The following VPS13B variants were observed in gnomAD, a reference collection of about 807,000 sequenced individuals.
VPS13B encodes vacuolar protein sorting 13 homolog B.
In VPS13B, 285 loss-of-function variants were observed where a neutral mutation model predicts 426.4. The observed-to-expected ratio is 0.67, with a 90% CI of 0.61 to 0.74. VPS13B has a LOEUF of 0.74. Ranked by LOEUF, VPS13B falls within the 30% of genes least tolerant of loss-of-function variation. VPS13B has a pLI of 0.00. For missense variants in VPS13B, 4,537 were observed against 4,782.6 expected (o/e 0.95, Z 1.51); for synonymous variants, 1,676 against 1,676.4 (o/e 1.00, Z 0.01).
At chr8:99,418,492 T>C (rs1816172605) in intron 21 of VPS13B, among the ~76,000 whole-genome samples, 1 of 148,234 alleles carries the variant, frequency 6.7e-6, no homozygotes, top group African/African-American at 2.5e-5. Flanking sequence ...TCTTTCTTTC[T>C]TTCTTTCTTT....
chr8:99,383,186 T>C (rs1319985547), intron 19 of VPS13B, among the ~76,000 whole-genome samples: 1 of 152,204 alleles, frequency 6.6e-6, no homozygotes, highest in Non-Finnish European at 1.5e-5. Context: ...TTGGTTGGAA[T>C]TGCAGCCTGT....
rs375660861 is a variant in VPS13B, at chr8:99,544,152, C to T, written c.4746-12298C>T. Among the ~76,000 whole-genome samples the T allele has an allele frequency of 4.1e-4, 63 of 151,962 alleles. No individual in the cohort carries two copies. The East Asian group carries it at 0.01, about 24-fold the overall frequency. Reference sequence around the variant, plus strand: ...GCAGCCATAAAAAATGATGAGTTCACGTCCTTTGTAGGGACATGGATGAAG... The same window carrying T: ...GCAGCCATAAAAAATGATGAGTTCATGTCCTTTGTAGGGACATGGATGAAG... On this transcript the variant is annotated intron_variant, in intron 30 of 61. Transcript: ENST00000357162.
chr8:99,209,345 T>G (rs926123665), intron 17 of VPS13B, among the ~76,000 whole-genome samples: 1 of 151,726 alleles, frequency 6.6e-6, no homozygotes, highest in East Asian at 1.9e-4. Context: ...CAATTCCAAA[T>G]TTTTACTTAT....
intron 51 of VPS13B, among the ~76,000 whole-genome samples, chr8:99,830,071 G>A (rs965506637): frequency 3.9e-5 from 6 of 152,186 alleles, no homozygotes; most frequent in South Asian, 2.1e-4. Context: ...CAGGAGGCTC[G>A]GGGGTCAGGG....
intron 17 of VPS13B, among the ~76,000 whole-genome samples, chr8:99,251,348 CTT>C (rs939460977): frequency 6.7e-6 from 1 of 149,748 alleles, no homozygotes; most frequent in Non-Finnish European, 1.5e-5. Flanking sequence ...TTCCCTGAAA[CTT>C]TTTTTTTTCT....
At chr8:99,854,555 A>G (rs764299433) in intron 56 of VPS13B, among the ~76,000 whole-genome samples, 1 of 152,196 alleles carries the variant, frequency 6.6e-6, no homozygotes, top group Non-Finnish European at 1.5e-5. Flanking sequence ...TTGCCACTCA[A>G]TAAACATTCA....
intron 17 of VPS13B, among the ~76,000 whole-genome samples, chr8:99,218,598 C>T (rs1428827178): frequency 6.6e-6 from 1 of 152,188 alleles, no homozygotes; most frequent in Non-Finnish European, 1.5e-5. Flanking sequence ...CTGTTGTGTG[C>T]TCTTTATGAT....
At chr8:99,711,788 T>C (rs1302556840) in intron 36 of VPS13B, among the ~76,000 whole-genome samples, 1 of 152,156 alleles carries the variant, frequency 6.6e-6, no homozygotes, top group East Asian at 1.9e-4. Flanking sequence ...AAATCTGATA[T>C]GAAAGAAAAT....
chr8:99,048,692 GTAATCC>G (rs1442755048), intron 3 of VPS13B, among the ~76,000 whole-genome samples: 1 of 152,018 alleles, frequency 6.6e-6, no homozygotes, highest in Non-Finnish European at 1.5e-5. Flanking sequence ...GCGAGCGCCT[GTAATCC>G]CAGCCACTCA....
Position 99,699,525 on chromosome 8 carries a change from C to T in VPS13B, c.6047C>T (p.Ala2016Val), listed in dbSNP as rs199837195. 4.3e-5 allele frequency: 70 copies of T among 1,613,078 alleles called. No homozygotes were observed. Among genetic ancestry groups the T allele is most frequent in the Non-Finnish European group, 5.7e-5 (67 of 1,179,920 alleles). The change falls in exon 36 of 62, where the codon GCG becomes GTG. Residue 2016 changes from alanine (A) to valine (V), a missense_variant and splice_region_variant. This residue lies in a region of VPS13B where 4,311 missense variants were observed against 4,474.3 expected (regional missense o/e 0.96). Coordinates refer to ENST00000357162, the MANE Select transcript of VPS13B (RefSeq NM_152564.5). ...TGTTTTCTCTTTTTTACTTCTATAG[C>T]GGATGTCAATTTGGATATATCAAAG... ...LQIKDFLNGP[A>V]DVNLDISKPL...
chr8:99,111,254 A>G lies in VPS13B; in HGVS notation c.737A>G (p.Asn246Ser). ...TRLHFTYENLNSKMPSVIKIH... is the reference protein window; with the variant it reads ...TRLHFTYENLSSKMPSVIKIH... ...CTTCATTTTACATATGAAAACCTAA[A>G]TTCCAAGATGCCATCTGTTATTAAA... Residue 246 changes from asparagine (N) to serine (S), a missense_variant, in exon 6 of 62, where the codon AAT becomes AGT. Around this residue, in one of 2 missense-constraint regions of VPS13B, gnomAD observed 226 missense variants for 308.3 expected, o/e 0.73. Coordinates refer to ENST00000357162, the MANE Select transcript of VPS13B (RefSeq NM_152564.5). 1 of 1,602,904 alleles carries G rather than the reference A, an allele frequency of 6.2e-7. No individual in the cohort carries two copies. The highest frequency in any genetic ancestry group is 1.1e-5 in the South Asian group (1 of 88,346).
intron 21 of VPS13B, among the ~76,000 whole-genome samples, chr8:99,407,595 C>A (rs551206110): frequency 3.3e-5 from 5 of 151,852 alleles, no homozygotes; most frequent in Admixed American, 1.3e-4. Context: ...GCTCATAAGT[C>A]TTGGAAGAGG....
intron 19 of VPS13B, among the ~76,000 whole-genome samples, chr8:99,352,648 A>G (rs1336959531): frequency 6.6e-6 from 1 of 151,964 alleles, no homozygotes; most frequent in African/African-American, 2.4e-5. Context: ...ACATGGTGAA[A>G]CCCTGTCTCT....
At chr8:99,490,854 T>C (rs1820569951) in intron 25 of VPS13B, among the ~76,000 whole-genome samples, 1 of 152,184 alleles carries the variant, frequency 6.6e-6, no homozygotes, top group South Asian at 2.1e-4. Context: ...AAAAACGAGC[T>C]CTTGGATTCA....
At chr8:99,696,473 C>T (rs1366147884) in intron 35 of VPS13B, 2 of 392,150 alleles carry the variant, frequency 5.1e-6, no homozygotes. Flanking sequence ...GGATCCGCGC[C>T]GACCTCCTCC....
chr8:99,032,552 CAG>C (rs1426392626), intron 2 of VPS13B, among the ~76,000 whole-genome samples: 22 of 141,066 alleles, frequency 1.6e-4, no homozygotes, highest in Admixed American at 6.6e-4. Flanking sequence ...TTTTTTGAGA[CAG>C]AGTCTCGCTC....
chr8:99,839,369 A>G (rs757964980), intron 54 of VPS13B, among the ~76,000 whole-genome samples: 2 of 152,262 alleles, frequency 1.3e-5, no homozygotes, highest in Non-Finnish European at 2.9e-5. Flanking sequence ...CATTTGTTCA[A>G]ACTTTTACTG....
At chr8:99,643,162 C>T (rs1829439625) in intron 34 of VPS13B, among the ~76,000 whole-genome samples, 1 of 151,920 alleles carries the variant, frequency 6.6e-6, no homozygotes, top group East Asian at 1.9e-4. Context: ...GTAACAAGGG[C>T]CAGTGGAGTC....
At chr8:99,110,022 CTA>C (rs1268153632) in intron 5 of VPS13B, among the ~76,000 whole-genome samples, 1 of 151,754 alleles carries the variant, frequency 6.6e-6, no homozygotes, top group East Asian at 1.9e-4. Flanking sequence ...ATATTAGTAA[CTA>C]AATCATTATT....
Sources: gnomAD v4.1 joint callset for allele counts (sites outside exome capture counted in the v4.1 genomes callset) on GRCh38, gnomAD v4.1.1 for gene constraint, gnomAD v4.1.1 regional missense constraint, MANE v1.5 for transcripts, NCBI Gene and HGNC (gene_info 2026-07-23, HGNC 2026-07-21) for gene names.